The following SHISA9 variants were observed in gnomAD, a reference collection of about 807,000 sequenced individuals.
SHISA9 encodes the protein protein shisa-9.
SHISA9 carries 13 observed loss-of-function variants against 38.0 expected under a neutral mutation model. The observed-to-expected ratio is 0.34, with a 90% confidence interval of 0.22 to 0.54. The LOEUF (loss-of-function observed/expected upper bound fraction) is 0.54. Ranked by LOEUF, SHISA9 falls within the 20% of genes least tolerant of loss-of-function variation. The pLI, the probability that SHISA9 is intolerant of heterozygous loss-of-function variation, is 0.91. For missense variants in SHISA9, 538 were observed against 575.8 expected, an observed-to-expected ratio of 0.93 and a Z score of 0.67; for synonymous variants, 275 against 242.0, an observed-to-expected ratio of 1.14 and a Z score of -1.27.
intron 2 of SHISA9, among the ~76,000 whole-genome samples, chr16:12,988,319 A>G (rs1221608222): frequency 3.3e-5 from 5 of 152,144 alleles, no homozygotes; most frequent in Non-Finnish European, 7.4e-5. Flanking sequence ...TTCAAATAAC[A>G]TTCTCCCGCA....
At chr16:13,300,153 C>A in the SHISA9 span, among the ~76,000 whole-genome samples, 11 of 152,244 alleles carry the variant, frequency 7.2e-5, no homozygotes, top group East Asian at 5.8e-4. Context: ...AAGAACAAAG[C>A]CTAGAAGTAG....
intron 2 of SHISA9, among the ~76,000 whole-genome samples, chr16:13,130,651 GAAATACAT>G (rs1156246799): frequency 6.6e-6 from 1 of 151,726 alleles, no homozygotes; most frequent in Non-Finnish European, 1.5e-5. Context: ...CTTCTGCAAT[GAAATACAT>G]CTACACTAGA....
At chr16:13,535,811 T>C in the SHISA9 span, among the ~76,000 whole-genome samples, 1 of 152,168 alleles carries the variant, frequency 6.6e-6, no homozygotes, top group Non-Finnish European at 1.5e-5. Context: ...CAAATAGCTC[T>C]AATTGTTCCA....
the SHISA9 span, among the ~76,000 whole-genome samples, chr16:13,276,490 A>G: frequency 6.6e-6 from 1 of 152,130 alleles, no homozygotes; most frequent in East Asian, 1.9e-4. Context: ...AGTAATCTCC[A>G]CACTGTTTTC....
intron 2 of SHISA9, among the ~76,000 whole-genome samples, chr16:13,111,601 C>G (rs72784467): frequency 6.6e-6 from 1 of 152,170 alleles, no homozygotes; most frequent in Non-Finnish European, 1.5e-5. Context: ...TAAACATTAA[C>G]TATCATTACT....
intron 2 of SHISA9, among the ~76,000 whole-genome samples, chr16:13,087,395 C>T (rs868274349): frequency 1.4e-4 from 21 of 152,102 alleles, no homozygotes; most frequent in African/African-American, 3.9e-4. Flanking sequence ...CTTGAGGAAT[C>T]GCCACACTGT....
At chr16:13,207,730 C>G (rs2051079385) in intron 3 of SHISA9, among the ~76,000 whole-genome samples, 2 of 152,186 alleles carry the variant, frequency 1.3e-5, no homozygotes, top group Admixed American at 1.3e-4. Flanking sequence ...AATCCAGCAT[C>G]TGCCTGCACA....
intron 1 of SHISA9, among the ~76,000 whole-genome samples, chr16:12,916,011 G>GGTTTTTTTTTTTTTTTTTTTTTT (rs774277866): frequency 1.1e-5 from 1 of 90,432 alleles, no homozygotes; most frequent in Non-Finnish European, 2.1e-5. Flanking sequence ...GTGTGTGTGT[G>GGTTTTTTTTTTTTTTTTTTTTTT]TTTTTTTTTT....
chr16:13,548,915 T>C, the SHISA9 span, among the ~76,000 whole-genome samples: 8 of 152,214 alleles, frequency 5.3e-5, no homozygotes, highest in African/African-American at 9.6e-5. Flanking sequence ...TGCACTCTCA[T>C]GTTTATTGCA....
At chr16:13,477,568 T>C in the SHISA9 span, among the ~76,000 whole-genome samples, 1 of 152,174 alleles carries the variant, frequency 6.6e-6, no homozygotes, top group Admixed American at 6.5e-5. Flanking sequence ...GCAAGTCATT[T>C]CAAAGCCTCT....
intron 3 of SHISA9, among the ~76,000 whole-genome samples, chr16:13,206,457 T>G (rs1024496247): frequency 1.2e-4 from 19 of 152,180 alleles, no homozygotes; most frequent in Admixed American, 1.1e-3. Flanking sequence ...CACAACCATG[T>G]GTCTAAGATG....
At chr16:13,395,075 C>T in the SHISA9 span, among the ~76,000 whole-genome samples, 1 of 151,996 alleles carries the variant, frequency 6.6e-6, no homozygotes, top group Non-Finnish European at 1.5e-5. Flanking sequence ...TGTGGCTTTG[C>T]AGTCTGGCTA....
intron 2 of SHISA9, among the ~76,000 whole-genome samples, chr16:13,184,462 C>G (rs1481198136): frequency 6.6e-6 from 1 of 152,152 alleles, no homozygotes; most frequent in Non-Finnish European, 1.5e-5. Context: ...TTTTTAAAAA[C>G]TTTTTAAATT....
chr16:12,979,336 T>C (rs2141821342), intron 2 of SHISA9, among the ~76,000 whole-genome samples: 1 of 151,088 alleles, frequency 6.6e-6, no homozygotes, highest in African/African-American at 2.4e-5. Flanking sequence ...GACACAAAAC[T>C]GGACTGCTTA....
chr16:13,031,418 A>T (rs1425458111), intron 2 of SHISA9, among the ~76,000 whole-genome samples: 1 of 152,182 alleles, frequency 6.6e-6, no homozygotes, highest in Admixed American at 6.5e-5. Flanking sequence ...TACAGATGGG[A>T]TGCCTGAGGT....
chr16:13,561,900 C>G, the SHISA9 span, among the ~76,000 whole-genome samples: 1 of 151,974 alleles, frequency 6.6e-6, no homozygotes, highest in Non-Finnish European at 1.5e-5. Flanking sequence ...GCTGTATTGG[C>G]TGGTATAGCT....
At chr16:13,542,379 A>T in the SHISA9 span, among the ~76,000 whole-genome samples, 1 of 152,188 alleles carries the variant, frequency 6.6e-6, no homozygotes, top group South Asian at 2.1e-4. Flanking sequence ...TTTCACAACC[A>T]TCCTAACATG....
chr16:13,256,276 G>T, the SHISA9 span, among the ~76,000 whole-genome samples: 8 of 152,212 alleles, frequency 5.3e-5, no homozygotes, highest in Admixed American at 5.2e-4. Context: ...TTGTATATGT[G>T]TATGTATTTA....
intron 2 of SHISA9, among the ~76,000 whole-genome samples, chr16:12,963,849 CA>C (rs1444002347): frequency 6.6e-6 from 1 of 152,190 alleles, no homozygotes; most frequent in Non-Finnish European, 1.5e-5. Context: ...TCACCTCAGG[CA>C]GAAGGCATTA....
Sources: allele counts gnomAD v4.1 joint callset (sites outside exome capture counted in the v4.1 genomes callset), GRCh38; gene constraint gnomAD v4.1.1; transcripts MANE v1.5; gene names NCBI Gene and HGNC (gene_info 2026-07-23, HGNC 2026-07-21).